TDRD3: variants seen among roughly 807,000 people sequenced by gnomAD.
TDRD3 encodes tudor domain-containing protein 3.
TDRD3 carries 45 observed loss-of-function variants against 86.7 expected under a neutral mutation model. The observed-to-expected ratio is 0.52, with a 90% CI of 0.41 to 0.67. TDRD3 has a LOEUF of 0.67. TDRD3 is among the 30% of genes least tolerant of loss of function. The probability of loss-of-function intolerance (pLI) is 0.00; values close to 1 mark genes in which losing one functional copy is unlikely to be tolerated. For synonymous variants in TDRD3, 298 were observed against 301.7 expected (o/e 0.99, Z 0.13); for missense variants, 814 against 889.0 (o/e 0.92, Z 1.07).
chr13:60,517,499 G>T (rs533404265), intron 10 of TDRD3, among the ~76,000 whole-genome samples: 2 of 152,254 alleles, frequency 1.3e-5, no homozygotes, highest in South Asian at 2.1e-4. Context: ...GGAAACCAGG[G>T]ATAAATGGTT....
In TDRD3 at chr13:60,534,888, A is replaced by G. The variant is rs370032965; in HGVS notation, c.1993-220A>G. Among the ~76,000 whole-genome samples, 3 of 141,098 alleles carry G rather than the reference A, an allele frequency of 2.1e-5. No individual in the cohort carries two copies. In the Admixed American group the frequency reaches 2.3e-4, roughly 11 times the overall value. The allele number at this position is 141,098 out of a possible 152,430, so 92.6% of individuals were successfully genotyped here. A position where few individuals can be genotyped will look rare whatever the true frequency, so the allele number is the denominator to read the frequency against. On this transcript the variant is annotated intron_variant, in intron 11 of 13. Coordinates refer to ENST00000377881, the MANE Select transcript of TDRD3 (RefSeq NM_001146070.2). Reference sequence around the variant, plus strand: ...GGTTGCAGTGAGCCAAGATCTTGCTATTGCACTCCAGCCTGGGCGACAGAG... The same window carrying G: ...GGTTGCAGTGAGCCAAGATCTTGCTGTTGCACTCCAGCCTGGGCGACAGAG...
At chr13:60,512,174 AG>A (rs1448794904) in intron 10 of TDRD3, among the ~76,000 whole-genome samples, 1 of 152,160 alleles carries the variant, frequency 6.6e-6, no homozygotes, top group African/African-American at 2.4e-5. Context: ...CTTATTATGT[AG>A]GTGGCAGGAG....
chr13:60,513,471 C>T (rs1566261016), intron 10 of TDRD3, among the ~76,000 whole-genome samples: 1 of 152,212 alleles, frequency 6.6e-6, no homozygotes, highest in South Asian at 2.1e-4. Context: ...TTTTCTATCA[C>T]ATTGTCAGTC....
At chr13:60,504,353 A>C (rs1956891825) in intron 8 of TDRD3, among the ~76,000 whole-genome samples, 2 of 152,226 alleles carry the variant, frequency 1.3e-5, no homozygotes, top group African/African-American at 2.4e-5. Flanking sequence ...ATTGTGTACC[A>C]GGTATGGAGC....
chr13:60,508,739 A>G lies in TDRD3; in HGVS notation c.859-1024A>G, dbSNP rs558406576. Among the ~76,000 whole-genome samples, 7 of 152,316 alleles carry G rather than the reference A, an allele frequency of 4.6e-5. No homozygotes were observed. In the East Asian group the frequency reaches 1.4e-3, roughly 29 times the overall value. On this transcript the variant is annotated intron_variant, in intron 8 of 13. Coordinates refer to ENST00000377881, the MANE Select transcript of TDRD3 (RefSeq NM_001146070.2). ...ATATTTCTTGTGAAAAAAGTTTAGA[A>G]AAGTCACTAAGCAAACTGATCACTG...
chr13:60,469,359 A>G (rs985093434), intron 5 of TDRD3, among the ~76,000 whole-genome samples: 1 of 152,012 alleles, frequency 6.6e-6, no homozygotes, highest in African/African-American at 2.4e-5. Flanking sequence ...CCCACAACCC[A>G]GTCCCATAGC....
intron 12 of TDRD3, chr13:60,547,432 G>A (rs1325712790): frequency 1.0e-5 from 10 of 985,076 alleles, no homozygotes; most frequent in Admixed American, 1.2e-4. Context: ...ATGCACAGGA[G>A]GAGTCAGAAG....
At chr13:60,562,154 T>G (rs113939378) in intron 12 of TDRD3, among the ~76,000 whole-genome samples, 23,851 of 151,698 alleles carry the variant, frequency 0.16, 2,097 homozygotes, top group African/African-American at 0.23. Context: ...CTACTGAAAA[T>G]ATAAAAAAAT....
At position 60,528,587 on chromosome 13, in the gene TDRD3, A is replaced by G; in HGVS notation, c.1362A>G (p.Pro454=). The change falls in exon 11 of 14, where the codon CCA becomes CCG. Residue 454 remains proline, a synonymous_variant. Coordinates refer to ENST00000377881, the MANE Select transcript of TDRD3 (RefSeq NM_001146070.2). The stretch of plus-strand genomic sequence containing the variant: ...CTAGAAATAGAGGTTCTGAAAGACC[A>G]AGTACTTCTTCAGTATCTGAAGTAT... ...GLPRNRGSER[P]STSSVSEVWA... 6.2e-7 allele frequency: 1 copy of G among 1,614,070 alleles called. No homozygotes were observed. The highest frequency in any genetic ancestry group is 8.5e-7 in the Non-Finnish European group (1 of 1,179,956).
intron 1 of TDRD3, among the ~76,000 whole-genome samples, chr13:60,400,005 A>C (rs942551832): frequency 2.6e-5 from 4 of 152,222 alleles, no homozygotes; most frequent in African/African-American, 9.6e-5. Context: ...AAAAGTAGCT[A>C]CCTGGCGGAC....
At chr13:60,499,228 C>T (rs202085018) in intron 8 of TDRD3, among the ~76,000 whole-genome samples, 1 of 152,222 alleles carries the variant, frequency 6.6e-6, no homozygotes, top group Non-Finnish European at 1.5e-5. Context: ...ATTCAACTCT[C>T]CCATTTGGCC....
chr13:60,403,467 C>T (rs1030096687), intron 1 of TDRD3, among the ~76,000 whole-genome samples: 5 of 152,078 alleles, frequency 3.3e-5, no homozygotes, highest in East Asian at 3.9e-4. Flanking sequence ...TAGAAGTAGC[C>T]GAAGAACAGT....
chr13:60,410,111 A>T (rs1415432587), intron 1 of TDRD3, among the ~76,000 whole-genome samples: 1 of 152,114 alleles, frequency 6.6e-6, no homozygotes, highest in Non-Finnish European at 1.5e-5. Flanking sequence ...GCCATGAAAG[A>T]AGTGCCTTTC....
intron 3 of TDRD3, among the ~76,000 whole-genome samples, chr13:60,446,337 C>G (rs1955397620): frequency 6.6e-6 from 1 of 152,036 alleles, no homozygotes; most frequent in Non-Finnish European, 1.5e-5. Flanking sequence ...ATTCTCCTGC[C>G]CCAGCCTCCC....
At chr13:60,510,558 G>A in intron 9 of TDRD3, 72 bp from the exon 10 acceptor site, 1 of 1,307,706 alleles carries the variant, frequency 7.6e-7, no homozygotes, top group Non-Finnish European at 1.0e-6. Context: ...ATTATTGTTG[G>A]TTATATATTA....
chr13:60,396,218 T>C (rs77190388), upstream of TDRD3, among the ~76,000 whole-genome samples: 13 of 152,330 alleles, frequency 8.5e-5, no homozygotes, highest in East Asian at 2.3e-3. Context: ...CTAACAGTCT[T>C]CTTCCCCTGA....
chr13:60,545,826 C>G (rs1957927261), intron 12 of TDRD3, among the ~76,000 whole-genome samples: 1 of 152,048 alleles, frequency 6.6e-6, no homozygotes, highest in South Asian at 2.1e-4. Context: ...TTGGTACTTA[C>G]TCTAAATTTT....
chr13:60,419,907 A>G (rs1042379203), intron 1 of TDRD3, among the ~76,000 whole-genome samples: 1 of 152,148 alleles, frequency 6.6e-6, no homozygotes, highest in Non-Finnish European at 1.5e-5. Context: ...GTGAGCAGGA[A>G]TTTTTAAAAA....
intron 4 of TDRD3, chr13:60,460,985 A>G (rs1035876665): frequency 1.3e-5 from 2 of 151,990 alleles, no homozygotes; most frequent in African/African-American, 4.8e-5. Flanking sequence ...CCTGGGTGAC[A>G]GTGGGACTGT....
Sources: allele counts gnomAD v4.1 joint callset (sites outside exome capture counted in the v4.1 genomes callset), GRCh38; gene constraint gnomAD v4.1.1; transcripts MANE v1.5; gene names NCBI Gene and HGNC (gene_info 2026-07-23, HGNC 2026-07-21).